PCNX2: variants seen among roughly 807,000 people sequenced by gnomAD.
PCNX2 encodes the protein pecanex-like protein 2.
Under a neutral mutation model 223.8 loss-of-function variants are expected in PCNX2, and 168 were observed. The observed-to-expected ratio is 0.75, with a 90% CI of 0.66 to 0.85. The LOEUF (loss-of-function observed/expected upper bound fraction) is 0.85. Among genes scored for constraint, PCNX2 ranks in the 40% least tolerant of loss-of-function variants. PCNX2 has a pLI of 0.00. For missense variants in PCNX2, 2,507 were observed against 2,675.5 expected, an observed-to-expected ratio of 0.94 and a Z score of 1.39; for synonymous variants, 1,006 against 1,052.6, an observed-to-expected ratio of 0.96 and a Z score of 0.86.
rs756429170 is a variant in PCNX2 at position 233,295,309 on chromosome 1, G to C, written c.153+17C>G. 1.9e-6 allele frequency: 3 copies of C among 1,572,282 alleles called. No homozygotes were observed. The highest frequency in any genetic ancestry group is 1.7e-6 in the Non-Finnish European group (2 of 1,158,688). ...TCCATACCCACAGCTCCCCGGGACCGGACCCTCCCCACTCACCAGGTGCAG... is the reference window on the plus strand; with the variant it reads ...TCCATACCCACAGCTCCCCGGGACCCGACCCTCCCCACTCACCAGGTGCAG... On this transcript the variant is annotated intron_variant, in intron 1 of 33. Transcript: ENST00000258229. The surrounding 1 kb of genome is among the most constrained non-coding windows in gnomAD (Gnocchi z 4.1).
intron 10 of PCNX2, among the ~76,000 whole-genome samples, chr1:233,221,734 G>A (rs1227434509): frequency 6.6e-6 from 1 of 152,160 alleles, no homozygotes; most frequent in East Asian, 1.9e-4. Context: ...CCCCTGACTC[G>A]AGGACACAAC....
At chr1:233,219,108 C>T (rs1483878497) in intron 10 of PCNX2, among the ~76,000 whole-genome samples, 2 of 151,892 alleles carry the variant, frequency 1.3e-5, no homozygotes, top group African/African-American at 4.8e-5. Context: ...GAGGTGGGGT[C>T]ATCCAGAGGT....
chr1:233,040,429 C>T (rs1000649449), intron 25 of PCNX2, among the ~76,000 whole-genome samples: 1 of 152,222 alleles, frequency 6.6e-6, no homozygotes, highest in Non-Finnish European at 1.5e-5. Flanking sequence ...TCCCTGCAGT[C>T]TAATTTCCTT....
intron 25 of PCNX2, among the ~76,000 whole-genome samples, chr1:233,033,560 C>T (rs1671342017): frequency 1.3e-5 from 2 of 152,182 alleles, no homozygotes; most frequent in African/African-American, 4.8e-5. Flanking sequence ...CCCCAGGATC[C>T]TCATAAAGAG....
At chr1:233,212,116 G>C (rs138824724) in intron 12 of PCNX2, among the ~76,000 whole-genome samples, 15 of 152,236 alleles carry the variant, frequency 9.9e-5, no homozygotes, top group African/African-American at 2.2e-4. Flanking sequence ...AGCTTTAGCA[G>C]TTCACTTGTA....
chr1:233,066,122 G>C (rs1672598770), intron 23 of PCNX2, among the ~76,000 whole-genome samples: 1 of 152,286 alleles, frequency 6.6e-6, no homozygotes. Context: ...TTTCTGCTGA[G>C]AGCTGTTCCG....
chr1:233,022,678 ATTCTTTCTTT>A (rs1670936056), intron 26 of PCNX2, among the ~76,000 whole-genome samples: 1 of 147,660 alleles, frequency 6.8e-6, no homozygotes, highest in Non-Finnish European at 1.5e-5. Context: ...GTCTAGCCTA[ATTCTTTCTTT>A]TTCTTTCTTT....
In PCNX2 at chr1:233,139,156, T is replaced by G. The variant is rs1380268126; in HGVS notation, c.3659+558A>C. On this transcript the variant is annotated intron_variant, in intron 20 of 33. Transcript: ENST00000258229. This position sits in a 1 kb window ranked among gnomAD's most constrained non-coding sequence, Gnocchi z 4.4. The stretch of plus-strand genomic sequence containing the variant: ...TCCATGTTGTAAATTCAGAATTAAT[T>G]TTAATATATGAAACCAATAACTCGA... Among the ~76,000 whole-genome samples the G allele has an allele frequency of 6.6e-6, 1 of 152,200 alleles. No homozygotes were observed. Among genetic ancestry groups the G allele is most frequent in the East Asian group, 1.9e-4 (1 of 5,192 alleles).
chr1:233,014,372 T>C (rs150442046), intron 28 of PCNX2, among the ~76,000 whole-genome samples: 107 of 152,284 alleles, frequency 7.0e-4, no homozygotes, highest in African/African-American at 2.5e-3. Context: ...CATGATTTCA[T>C]TGAATCTTCC....
intron 25 of PCNX2, among the ~76,000 whole-genome samples, chr1:233,041,152 CTCTAAG>C (rs1158443766): frequency 1.3e-5 from 2 of 152,160 alleles, no homozygotes; most frequent in African/African-American, 2.4e-5. Context: ...TCTTGGTTAA[CTCTAAG>C]TCTGCCCTTC....
At chr1:233,226,239 A>G (rs917485920) in intron 10 of PCNX2, among the ~76,000 whole-genome samples, 5 of 151,508 alleles carry the variant, frequency 3.3e-5, no homozygotes, top group African/African-American at 1.2e-4. Flanking sequence ...AGAAGCCCCC[A>G]CTCCTTAGGC....
intron 33 of PCNX2, chr1:232,985,600 TAGA>T: frequency 4.1e-6 from 1 of 246,466 alleles, no homozygotes; most frequent in East Asian, 8.3e-5. Flanking sequence ...GTGAAGTCCT[TAGA>T]ACTCTCCTTG....
Position 233,023,446 on chromosome 1 carries a change from C to T in PCNX2, c.4605+1700G>A, listed in dbSNP as rs190887896. Among the ~76,000 whole-genome samples, 32 of 152,328 alleles carry T rather than the reference C, an allele frequency of 2.1e-4. No individual in the cohort carries two copies. The East Asian group carries it at 6.2e-3, about 29-fold the overall frequency. On this transcript the variant is annotated intron_variant, in intron 26 of 33. Coordinates refer to ENST00000258229, the MANE Select transcript of PCNX2 (RefSeq NM_014801.4). ...ACTGCTGATGCATGCCCTTGGTCTT[C>T]ATTTTCTGTGTCCTTTCCTCTATCC...
chr1:233,215,018 T>C (rs1460642010), intron 12 of PCNX2, among the ~76,000 whole-genome samples: 1 of 152,190 alleles, frequency 6.6e-6, no homozygotes, highest in Non-Finnish European at 1.5e-5. Flanking sequence ...ATTGGCTGAA[T>C]TTATTAACAG....
At position 233,259,224 on chromosome 1, in the gene PCNX2, A is replaced by G. The variant is rs778811360; in HGVS notation, c.638T>C (p.Ile213Thr). ...HMLETTTKSV[I>T]PVKPVATETL... ...TTCTGTGGCAACTGGTTTTACAGGT[A>G]TTACTGACTTGGTCGTGGTTTCCAG... The change falls in exon 5 of 34, where the codon ATA becomes ACA. Residue 213 changes from isoleucine to threonine, a missense_variant. Physicochemically the swap from Ile to Thr is moderately conservative, Grantham distance 89. Around this residue, in one of 3 missense-constraint regions of PCNX2, gnomAD observed 1,031 missense variants for 1,021.7 expected, o/e 1.01. Coordinates refer to ENST00000258229, the MANE Select transcript of PCNX2 (RefSeq NM_014801.4). The G allele has an allele frequency of 3.1e-6, 5 of 1,613,646 alleles. No individual in the cohort carries two copies. Among genetic ancestry groups the G allele is most frequent in the Middle Eastern group, 1.6e-4 (1 of 6,084 alleles).
At position 233,262,095 on chromosome 1, in the gene PCNX2, A is replaced by C; in HGVS notation, c.430T>G (p.Cys144Gly). Reference sequence around the variant, plus strand: ...GTTATGCTTTGCCCTCTGGAGCTGCAGCGGAGGGGAGGCGTGGAGAGGTTT... The same window carrying C: ...GTTATGCTTTGCCCTCTGGAGCTGCCGCGGAGGGGAGGCGTGGAGAGGTTT... ...SRNLSTPPLR[C>G]SSRGQSITSH... Residue 144 changes from cysteine (C) to glycine (G), a missense_variant, in exon 3 of 34, where the codon TGC becomes GGC. By Grantham distance (159) the Cys-to-Gly change is radical (BLOSUM62 -3). Around this residue, in one of 3 missense-constraint regions of PCNX2, gnomAD observed 1,031 missense variants for 1,021.7 expected, o/e 1.01. Transcript: ENST00000258229. 1 of 1,613,922 alleles carries C rather than the reference A, an allele frequency of 6.2e-7. No homozygotes were observed. Among genetic ancestry groups the C allele is most frequent in the South Asian group, 1.1e-5 (1 of 91,086 alleles).
At chr1:233,287,500 T>G (rs900598886) in intron 1 of PCNX2, among the ~76,000 whole-genome samples, 4 of 152,156 alleles carry the variant, frequency 2.6e-5, no homozygotes, top group African/African-American at 9.7e-5. Flanking sequence ...TCTGGTGGTT[T>G]TATAAAGGGG....
the PCNX2 span, among the ~76,000 whole-genome samples, chr1:233,326,301 A>C: frequency 6.6e-6 from 1 of 152,204 alleles, no homozygotes; most frequent in East Asian, 1.9e-4. Context: ...TTAAATAGTT[A>C]GATTACTTAT....
intron 33 of PCNX2, chr1:232,984,706 T>C (rs1460759541): frequency 2.9e-5 from 14 of 486,002 alleles, no homozygotes; most frequent in Non-Finnish European, 4.4e-5. Flanking sequence ...CACGTGGGCC[T>C]TTCTGGATGA....
Sources: gnomAD v4.1 joint callset for allele counts (sites outside exome capture counted in the v4.1 genomes callset) on GRCh38, gnomAD v4.1.1 for gene constraint, gnomAD v4.1.1 regional missense constraint, Gnocchi (gnomAD v3.1) non-coding constraint, MANE v1.5 for transcripts, NCBI Gene and HGNC (gene_info 2026-07-23, HGNC 2026-07-21) for gene names.